Variants in SDK1 observed in about 807,000 individuals in gnomAD.
SDK1 encodes protein sidekick-1.
A neutral mutation model predicts 245.5 loss-of-function variants in SDK1; 157 were observed. The observed-to-expected ratio is 0.64, with a 90% CI of 0.56 to 0.73. SDK1 has a LOEUF of 0.73. SDK1 is among the 30% of genes least tolerant of loss of function. The probability of loss-of-function intolerance (pLI) is 0.00; values close to 1 mark genes in which losing one functional copy is unlikely to be tolerated. For synonymous variants in SDK1, 1,647 were observed against 1,278.5 expected, an observed-to-expected ratio of 1.29 and a Z score of -6.15; for missense variants, 3,583 against 3,002.3, an observed-to-expected ratio of 1.19 and a Z score of -4.52.
rs759863099 is a variant in SDK1 at position 4,149,429 on chromosome 7, A to G, written c.4591A>G (p.Ile1531Val). The G allele has an allele frequency of 1.3e-5, 20 of 1,567,982 alleles. No individual in the cohort carries two copies. The highest frequency in any genetic ancestry group is 1.9e-5 in the Admixed American group (1 of 53,782). The change falls in exon 30 of 45, where the codon ATC (isoleucine) becomes GTC (valine). Residue 1531 changes from isoleucine (I) to valine (V), a missense_variant. Transcript: ENST00000404826. ...TGAGTGGCAGACCTACTCCTCGTCC[A>G]TCAGCCATGAGGCGACAGCATGCGT... Reference protein sequence around the residue: ...RGEWQTYSSSISHEATACVVD... With the variant: ...RGEWQTYSSSVSHEATACVVD...
At chr7:3,322,444 A>G (rs1779840778) in intron 1 of SDK1, among the ~76,000 whole-genome samples, 1 of 152,118 alleles carries the variant, frequency 6.6e-6, no homozygotes. Context: ...TGCTGTGAAC[A>G]TGTATGTGTG....
At chr7:3,408,112 A>G (rs1048037655) in intron 1 of SDK1, among the ~76,000 whole-genome samples, 1 of 152,032 alleles carries the variant, frequency 6.6e-6, no homozygotes, top group Admixed American at 6.6e-5. Context: ...GTCTCGGCTT[A>G]CTGCCACATC....
chr7:3,575,303 T>C (rs1780248749), intron 1 of SDK1, among the ~76,000 whole-genome samples: 1 of 151,924 alleles, frequency 6.6e-6, no homozygotes, highest in African/African-American at 2.4e-5. Flanking sequence ...CTGGTGTCTC[T>C]TCTTGTAAGG....
At chr7:4,149,169 A>G in intron 29 of SDK1, 93 bp from the exon 30 acceptor site, 1 of 1,024,290 alleles carries the variant, frequency 9.8e-7, no homozygotes, top group Non-Finnish European at 1.3e-6. Context: ...ATGGGCAAGC[A>G]GTCAGCCCTG....
In SDK1 at chr7:4,193,063, TTATAA is replaced by T. The variant is rs942180948; in HGVS notation, c.5099-12811_5099-12807del. The stretch of plus-strand genomic sequence containing the variant: ...AAGATACAAAAATATATAATATATA[TTATAA>T]TATATAATATATAAAATACAAATGT... On this transcript the variant is annotated intron_variant, in intron 35 of 44. Coordinates refer to ENST00000404826, the MANE Select transcript of SDK1 (RefSeq NM_152744.4). Among the ~76,000 whole-genome samples, 29 of 138,352 alleles carry T rather than the reference TTATAA, an allele frequency of 2.1e-4. 1 individual carries two copies. Among genetic ancestry groups the T allele is most frequent in the Admixed American group, 4.7e-4 (6 of 12,742 alleles). 90.8% of individuals were successfully genotyped at this position (138,352 alleles called of 152,430 possible).
intron 5 of SDK1, among the ~76,000 whole-genome samples, chr7:3,916,032 G>A (rs948318541): frequency 1.3e-5 from 2 of 152,126 alleles, no homozygotes; most frequent in Non-Finnish European, 2.9e-5. Flanking sequence ...CAAGGTTGAG[G>A]GCACACCCAG....
At chr7:3,741,080 A>C (rs1779462490) in intron 4 of SDK1, among the ~76,000 whole-genome samples, 1 of 152,122 alleles carries the variant, frequency 6.6e-6, no homozygotes, top group Non-Finnish European at 1.5e-5. Context: ...ATTATAGAAA[A>C]CTTGGCTTCC....
chr7:4,137,783 G>A (rs574610521), intron 28 of SDK1, among the ~76,000 whole-genome samples: 31 of 152,124 alleles, frequency 2.0e-4, no homozygotes, highest in Non-Finnish European at 4.0e-4. Context: ...GAAGTGCAGC[G>A]CACTGATGTT....
At chr7:3,637,796 G>T (rs1020511731) in intron 2 of SDK1, among the ~76,000 whole-genome samples, 1 of 152,230 alleles carries the variant, frequency 6.6e-6, no homozygotes, top group South Asian at 2.1e-4. Flanking sequence ...TAACATCAGG[G>T]AATACGTGGA....
intron 19 of SDK1, among the ~76,000 whole-genome samples, chr7:4,063,558 A>G (rs148462941): frequency 6.6e-6 from 1 of 151,890 alleles, no homozygotes; most frequent in East Asian, 1.9e-4. Flanking sequence ...ACTCAATGCA[A>G]TCTCTATCAA....
rs74801612 is a variant in SDK1, at chr7:4,179,126, C to G, written c.5098+540C>G. 6.5e-3 allele frequency: 990 copies of G among 153,424 alleles called. 9 individuals are homozygous for G. The highest frequency in any genetic ancestry group is 0.02 in the African/African-American group (840 of 41,582). 9.5% of individuals were successfully genotyped at this position (153,424 alleles called of 1,614,324 possible). A position where few individuals can be genotyped will look rare whatever the true frequency, so the allele number is the denominator to read the frequency against. On this transcript the variant is annotated intron_variant, in intron 35 of 44. Transcript: ENST00000404826. ...TGGGAAGCAACGTCTATTTTTAGAT[C>G]AGATCCTGTCCCTATCCCTCTCCGG... is the stretch of plus-strand genomic sequence containing the variant.
chr7:3,717,403 T>G (rs1583336751), intron 4 of SDK1, among the ~76,000 whole-genome samples: 1 of 152,052 alleles, frequency 6.6e-6, no homozygotes, highest in African/African-American at 2.4e-5. Context: ...AAAATCAAAA[T>G]GCAAAACACC....
chr7:3,375,202 A>G (rs1377712213), intron 1 of SDK1, among the ~76,000 whole-genome samples: 2 of 151,938 alleles, frequency 1.3e-5, no homozygotes, highest in African/African-American at 4.8e-5. Context: ...AAAATTGTGC[A>G]TTGTGAGAAA....
chr7:3,979,168 G>C (rs1229782824), intron 13 of SDK1, among the ~76,000 whole-genome samples: 3 of 152,124 alleles, frequency 2.0e-5, no homozygotes, highest in African/African-American at 7.2e-5. Context: ...CTCAGCTTCT[G>C]CCTCTCACCT....
chr7:3,549,568 A>G (rs1158442745), intron 1 of SDK1, among the ~76,000 whole-genome samples: 3 of 152,226 alleles, frequency 2.0e-5, no homozygotes, highest in Non-Finnish European at 4.4e-5. Context: ...AGTGCACACC[A>G]GACAGAATTT....
intron 14 of SDK1, among the ~76,000 whole-genome samples, chr7:3,995,674 T>G (rs1292792560): frequency 6.6e-6 from 1 of 152,212 alleles, no homozygotes; most frequent in Non-Finnish European, 1.5e-5. Flanking sequence ...GTTCTGAGTT[T>G]CGGGTCTTCT....
intron 35 of SDK1, among the ~76,000 whole-genome samples, chr7:4,185,852 G>A (rs981417087): frequency 1.6e-5 from 2 of 122,524 alleles, no homozygotes; most frequent in Non-Finnish European, 3.2e-5. Flanking sequence ...AGGAAGGAAG[G>A]AAAGAAGGGA....
At chr7:4,233,632 G>A (rs1785950037) in intron 41 of SDK1, among the ~76,000 whole-genome samples, 1 of 152,174 alleles carries the variant, frequency 6.6e-6, no homozygotes, top group African/African-American at 2.4e-5. Flanking sequence ...TGAAGGACGG[G>A]AGAGAGAAAT....
intron 14 of SDK1, among the ~76,000 whole-genome samples, chr7:3,989,736 G>T (rs1018041008): frequency 1.6e-4 from 24 of 152,292 alleles, no homozygotes; most frequent in African/African-American, 5.5e-4. Flanking sequence ...ATGTCAGCCT[G>T]TACACGCCCC....
Sources: allele counts gnomAD v4.1 joint callset (sites outside exome capture counted in the v4.1 genomes callset), GRCh38; gene constraint gnomAD v4.1.1; transcripts MANE v1.5; gene names NCBI Gene and HGNC (gene_info 2026-07-23, HGNC 2026-07-21).